Variants in PCCA observed in about 807,000 individuals in gnomAD.
PCCA encodes propionyl-CoA carboxylase alpha chain, mitochondrial.
A neutral mutation model predicts 101.3 loss-of-function variants in PCCA; 74 were observed. The observed-to-expected ratio is 0.73, with a 90% confidence interval of 0.61 to 0.89. The LOEUF (loss-of-function observed/expected upper bound fraction) is 0.89. Among genes scored for constraint, PCCA ranks in the 40% least tolerant of loss-of-function variants. The pLI is 0.00. For synonymous variants in PCCA, 294 were observed against 313.6 expected, an observed-to-expected ratio of 0.94 and a Z score of 0.66; for missense variants, 891 against 907.0, an observed-to-expected ratio of 0.98 and a Z score of 0.23.
rs540714264 is a variant in PCCA, at chr13:100,394,836, T to G, written c.1746+26262T>G. 1.2e-3 allele frequency among the ~76,000 whole-genome samples: 185 copies of G among 152,340 alleles called. No individual in the cohort carries two copies. Among genetic ancestry groups the G allele is most frequent in the African/African-American group, 4.1e-3 (170 of 41,572 alleles). On this transcript the variant is annotated intron_variant, in intron 19 of 23. Coordinates refer to ENST00000376285, the MANE Select transcript of PCCA (RefSeq NM_000282.4). The surrounding 1 kb of genome is among the most constrained non-coding windows in gnomAD (Gnocchi z 4.3). ...CTTCACATTTCATTAGAATAGCTAC[T>G]TCAATTTACTCTGAAAAAACTGCTT...
chr13:100,325,503 G>A (rs150380227), intron 16 of PCCA, among the ~76,000 whole-genome samples: 2 of 152,132 alleles, frequency 1.3e-5, no homozygotes, highest in African/African-American at 2.4e-5. Flanking sequence ...CTGCTGAACA[G>A]GTTTTTAATG....
intron 16 of PCCA, among the ~76,000 whole-genome samples, chr13:100,323,350 C>T (rs1266617784): frequency 6.6e-6 from 1 of 150,546 alleles, no homozygotes; most frequent in Non-Finnish European, 1.5e-5. Flanking sequence ...GAGACAGAGT[C>T]TCACTCTGTC....
chr13:100,189,108 A>C (rs181114417), intron 6 of PCCA, among the ~76,000 whole-genome samples: 2 of 151,348 alleles, frequency 1.3e-5, no homozygotes, highest in African/African-American at 2.4e-5. Flanking sequence ...TCATTGTTCA[A>C]CTCCCACTTA....
chr13:100,172,062 G>A (rs1246405940), intron 6 of PCCA, among the ~76,000 whole-genome samples: 1 of 151,592 alleles, frequency 6.6e-6, no homozygotes, highest in Non-Finnish European at 1.5e-5. Context: ...TTAGCTGGGT[G>A]TGTTGGCATG....
chr13:100,155,701 T>C (rs2053813590), intron 5 of PCCA, among the ~76,000 whole-genome samples: 1 of 152,184 alleles, frequency 6.6e-6, no homozygotes, highest in African/African-American at 2.4e-5. Context: ...TTTTTAATTA[T>C]CAGAACTAAT....
rs1362104490 is a variant in PCCA at position 100,273,192 on chromosome 13, G to A, written c.915-4G>A. The A allele has an allele frequency of 1.2e-6, 2 of 1,610,840 alleles. No individual in the cohort carries two copies. The highest frequency in any genetic ancestry group is 1.7e-6 in the Non-Finnish European group (2 of 1,177,226). Reference sequence around the variant, plus strand: ...TGTAGACAAACATTTTTTTGTATATGTAGCATTTTTTTGGATGCGGAGACT... The same window carrying A: ...TGTAGACAAACATTTTTTTGTATATATAGCATTTTTTTGGATGCGGAGACT... On this transcript the variant is annotated splice_polypyrimidine_tract_variant and splice_region_variant and intron_variant, in intron 11 of 23. Coordinates refer to ENST00000376285, the MANE Select transcript of PCCA (RefSeq NM_000282.4).
intron 21 of PCCA, among the ~76,000 whole-genome samples, chr13:100,493,172 G>A (rs1251554271): frequency 6.6e-6 from 1 of 152,202 alleles, no homozygotes; most frequent in Non-Finnish European, 1.5e-5. Context: ...TCCTACACCT[G>A]CCCCTGCCCA....
chr13:100,179,444 A>G (rs1246493578), intron 6 of PCCA, among the ~76,000 whole-genome samples: 1 of 152,130 alleles, frequency 6.6e-6, no homozygotes, highest in Admixed American at 6.5e-5. Context: ...TTGCCCTTCA[A>G]TGCTGTCGTG....
chr13:100,106,577 AT>A (rs1400484381), intron 2 of PCCA, among the ~76,000 whole-genome samples: 1 of 150,710 alleles, frequency 6.6e-6, no homozygotes, highest in Admixed American at 6.6e-5. Context: ...CATCCGGCTA[AT>A]TTTTTTTTGT....
At position 100,381,839 on chromosome 13, in the gene PCCA, C is replaced by A. The variant is rs531277262; in HGVS notation, c.1746+13265C>A. Among the ~76,000 whole-genome samples, 3 of 152,308 alleles carry A rather than the reference C, an allele frequency of 2.0e-5. No individual in the cohort carries two copies. In the East Asian group the frequency reaches 5.8e-4, roughly 29 times the overall value. Reference sequence around the variant, plus strand: ...CCACTCATTTGCACCTGTTGCCTTCCACACCTCGTAGGAGGGAGTGCACAG... The same window carrying A: ...CCACTCATTTGCACCTGTTGCCTTCAACACCTCGTAGGAGGGAGTGCACAG... On this transcript the variant is annotated intron_variant, in intron 19 of 23. Transcript: ENST00000376285.
chr13:100,259,802 T>C (rs1201535692), intron 9 of PCCA, among the ~76,000 whole-genome samples: 3 of 152,224 alleles, frequency 2.0e-5, no homozygotes, highest in South Asian at 2.1e-4. Flanking sequence ...ACTAAGACTT[T>C]TGGCATTGTG....
At chr13:100,121,610 G>T (rs1164957749) in intron 4 of PCCA, among the ~76,000 whole-genome samples, 1 of 151,874 alleles carries the variant, frequency 6.6e-6, no homozygotes, top group Non-Finnish European at 1.5e-5. Flanking sequence ...GAATAGCTGG[G>T]ACTACAGGCA....
chr13:100,203,475 A>T (rs2058662270), intron 6 of PCCA, among the ~76,000 whole-genome samples: 1 of 151,978 alleles, frequency 6.6e-6, no homozygotes, highest in South Asian at 2.1e-4. Context: ...GGATCACTTG[A>T]GGTCAGGATT....
chr13:100,132,553 A>G (rs931647213), intron 4 of PCCA, among the ~76,000 whole-genome samples: 2 of 152,176 alleles, frequency 1.3e-5, no homozygotes, highest in African/African-American at 2.4e-5. Context: ...TTTTAAATCC[A>G]TTTACCTGTT....
chr13:100,348,225 A>C (rs1382022276), intron 18 of PCCA, among the ~76,000 whole-genome samples: 1 of 152,168 alleles, frequency 6.6e-6, no homozygotes, highest in African/African-American at 2.4e-5. Context: ...TTGGCTGCTG[A>C]TCTTATTTTC....
intron 6 of PCCA, among the ~76,000 whole-genome samples, chr13:100,178,359 T>A (rs938027375): frequency 1.3e-5 from 2 of 152,214 alleles, no homozygotes. Flanking sequence ...AAAATTTAGG[T>A]CTTTTTAGGT....
chr13:100,093,863 C>T (rs1372248666), intron 1 of PCCA, among the ~76,000 whole-genome samples: 1 of 152,082 alleles, frequency 6.6e-6, no homozygotes, highest in Non-Finnish European at 1.5e-5. Flanking sequence ...CACTTGAGCC[C>T]AGGAGGTCAA....
chr13:100,146,511 G>A (rs968825692), intron 4 of PCCA, among the ~76,000 whole-genome samples: 8 of 151,110 alleles, frequency 5.3e-5, no homozygotes, highest in African/African-American at 2.0e-4. Context: ...AGAGGCGGAG[G>A]TTGCAGTGAG....
intron 21 of PCCA, among the ~76,000 whole-genome samples, chr13:100,449,833 A>G (rs915234740): frequency 1.3e-5 from 2 of 152,172 alleles, no homozygotes; most frequent in Admixed American, 6.5e-5. Flanking sequence ...CATGTATGAT[A>G]TATTTTCTCC....
Sources: allele counts gnomAD v4.1 joint callset (sites outside exome capture counted in the v4.1 genomes callset), GRCh38; gene constraint gnomAD v4.1.1; non-coding constraint Gnocchi (gnomAD v3.1); transcripts MANE v1.5; gene names NCBI Gene and HGNC (gene_info 2026-07-23, HGNC 2026-07-21).